The following CDH23 variants were observed in gnomAD, a reference collection of about 807,000 sequenced individuals.
CDH23 encodes cadherin-23.
In CDH23, 189 loss-of-function variants were observed where a neutral mutation model predicts 317.1. That is an observed-to-expected ratio of 0.60 (90% confidence interval 0.53 to 0.67). The LOEUF is 0.67. Among genes scored for constraint, CDH23 ranks in the 30% least tolerant of loss-of-function variants. The probability of loss-of-function intolerance (pLI) is 0.00; values close to 1 mark genes in which losing one functional copy is unlikely to be tolerated. For synonymous variants in CDH23, 1,839 were observed against 1,876.8 expected (o/e 0.98, Z 0.52); for missense variants, 4,401 against 4,592.4 (o/e 0.96, Z 1.20).
intron 22 of CDH23, among the ~76,000 whole-genome samples, chr10:71,696,995 G>A (rs1865415669): frequency 6.6e-6 from 1 of 152,184 alleles, no homozygotes; most frequent in East Asian, 1.9e-4. Context: ...ACACCTTCTG[G>A]TCAACCCTCA....
chr10:71,510,819 G>A (rs1287050839), intron 4 of CDH23, 135 bp from the exon 5 acceptor site: 2 of 771,694 alleles, frequency 2.6e-6, no homozygotes, highest in Non-Finnish European at 4.5e-6. Context: ...TGGTATTTTA[G>A]GGAAGCCTTT....
At chr10:71,647,320 G>A (rs1014877806) in intron 14 of CDH23, among the ~76,000 whole-genome samples, 1 of 152,090 alleles carries the variant, frequency 6.6e-6, no homozygotes, top group African/African-American at 2.4e-5. Flanking sequence ...AAAATTAGCC[G>A]GGTGTGGTGG....
At chr10:71,514,962 C>A (rs1854201438) in intron 6 of CDH23, among the ~76,000 whole-genome samples, 1 of 152,220 alleles carries the variant, frequency 6.6e-6, no homozygotes, top group South Asian at 2.1e-4. Context: ...TGCTCCAGTA[C>A]CTCCGTTAGG....
intron 15 of CDH23, among the ~76,000 whole-genome samples, chr10:71,677,234 ACTC>A (rs1864408331): frequency 6.6e-6 from 1 of 151,398 alleles, no homozygotes; most frequent in South Asian, 2.1e-4. Flanking sequence ...AAATCAGGCA[ACTC>A]CTCCTGCCCA....
chr10:71,646,086 C>T, intron 13 of CDH23, 106 bp downstream of exon 13: 1 of 1,396,000 alleles, frequency 7.2e-7, no homozygotes, highest in Non-Finnish European at 9.8e-7. Flanking sequence ...CACTGCTGCC[C>T]ATCTTCCCTT....
At chr10:71,399,656 T>A (rs1436130275) in intron 1 of CDH23, among the ~76,000 whole-genome samples, 1 of 152,082 alleles carries the variant, frequency 6.6e-6, no homozygotes, top group African/African-American at 2.4e-5. Context: ...TCCCAGCTAA[T>A]GGGGAGGCTG....
chr10:71,486,003 G>A (rs370002641), intron 3 of CDH23, among the ~76,000 whole-genome samples: 4,785 of 152,270 alleles, frequency 0.031, 255 homozygotes, highest in African/African-American at 0.11. Context: ...AATATATTTG[G>A]AGTAGAAGAC....
rs545942636 is a variant in CDH23 at position 71,417,221 on chromosome 10, C to T, written c.-6+19903C>T. ...CCTCCCAAGTACCTGGGACTACAGG[C>T]GCACACCACCACACCCAGCTAATTT... is the stretch of plus-strand genomic sequence containing the variant. On this transcript the variant is annotated intron_variant, in intron 1 of 69. Coordinates refer to ENST00000224721, the MANE Select transcript of CDH23 (RefSeq NM_022124.6). 2.4e-4 allele frequency among the ~76,000 whole-genome samples: 37 copies of T among 151,946 alleles called. No individual in the cohort carries two copies. The South Asian group carries it at 5.4e-3, about 22-fold the overall frequency.
intron 20 of CDH23, among the ~76,000 whole-genome samples, chr10:71,693,576 G>A (rs1865265093): frequency 6.6e-6 from 1 of 152,186 alleles, no homozygotes; most frequent in African/African-American, 2.4e-5. Context: ...TGAACACCCG[G>A]TGTTTTTATT....
At chr10:71,678,699 G>A (rs982255602) in intron 16 of CDH23, among the ~76,000 whole-genome samples, 41 of 152,332 alleles carry the variant, frequency 2.7e-4, no homozygotes, top group African/African-American at 9.4e-4. Flanking sequence ...AGGCTCTAGA[G>A]TGAGGGACAA....
intron 6 of CDH23, among the ~76,000 whole-genome samples, chr10:71,548,952 T>C (rs1208595065): frequency 6.6e-6 from 1 of 152,234 alleles, no homozygotes; most frequent in African/African-American, 2.4e-5. Context: ...AGACAGTAAA[T>C]AATTGTTCCA....
At chr10:71,495,681 A>G (rs1304059696) in intron 3 of CDH23, among the ~76,000 whole-genome samples, 1 of 151,378 alleles carries the variant, frequency 6.6e-6, no homozygotes, top group African/African-American at 2.5e-5. Flanking sequence ...AAAAAAAAAA[A>G]TTGTAAAATT....
At chr10:71,750,372 C>G (rs1441702120) in intron 38 of CDH23, 1 of 152,226 alleles carries the variant, frequency 6.6e-6, no homozygotes, top group African/African-American at 2.4e-5. Context: ...AGAAGTGTCC[C>G]AGGGTGGACA....
intron 3 of CDH23, among the ~76,000 whole-genome samples, chr10:71,466,614 C>T (rs1414270620): frequency 6.6e-6 from 1 of 151,972 alleles, no homozygotes; most frequent in Non-Finnish European, 1.5e-5. Context: ...GAGTGTGTGT[C>T]CCTTCTCACA....
intron 18 of CDH23, among the ~76,000 whole-genome samples, chr10:71,686,180 G>T (rs1231660456): frequency 6.6e-6 from 1 of 152,024 alleles, no homozygotes; most frequent in Non-Finnish European, 1.5e-5. Flanking sequence ...GCCAAGATCC[G>T]GGGAAATATC....
At chr10:71,443,471 G>A (rs1849997908) in intron 2 of CDH23, among the ~76,000 whole-genome samples, 1 of 152,220 alleles carries the variant, frequency 6.6e-6, no homozygotes, top group African/African-American at 2.4e-5. Context: ...TGCCCTCTCT[G>A]TGCCCTTCTC....
chr10:71,743,966 T>C (rs748182595), intron 38 of CDH23, among the ~76,000 whole-genome samples: 11 of 152,166 alleles, frequency 7.2e-5, no homozygotes, highest in Non-Finnish European at 1.5e-4. Context: ...GACAAAAAGA[T>C]GGCAAAGGGC....
chr10:71,600,123 C>T (rs553321086), intron 9 of CDH23, among the ~76,000 whole-genome samples: 3 of 151,646 alleles, frequency 2.0e-5, no homozygotes, highest in Admixed American at 1.3e-4. Flanking sequence ...CTGCCTCAGC[C>T]TCCCGAGCAG....
At position 71,808,010 on chromosome 10, in the gene CDH23, A is replaced by G. The variant is rs1463730762; in HGVS notation, c.8722+3A>G. The G allele has an allele frequency of 6.3e-7, 1 of 1,577,918 alleles. No individual in the cohort carries two copies. The highest frequency in any genetic ancestry group is 1.2e-5 in the South Asian group (1 of 86,136). Reference sequence around the variant, plus strand: ...TGTGGGCCAGGTCTTCACCATGGGTAGGGCCTGGCAGCACATGAGTGGCCT... The same window carrying G: ...TGTGGGCCAGGTCTTCACCATGGGTGGGGCCTGGCAGCACATGAGTGGCCT... On this transcript the variant is annotated splice_donor_region_variant and intron_variant, in intron 60 of 69. Transcript: ENST00000224721.
Sources: allele counts gnomAD v4.1 joint callset (sites outside exome capture counted in the v4.1 genomes callset), GRCh38; gene constraint gnomAD v4.1.1; transcripts MANE v1.5; gene names NCBI Gene and HGNC (gene_info 2026-07-23, HGNC 2026-07-21).